Variants in MAP2 observed in about 807,000 individuals in gnomAD.
MAP2 encodes microtubule associated protein 2, also known as microtubule-associated protein 2.
In MAP2, 14 loss-of-function variants were observed where a neutral mutation model predicts 137.6. That is an observed-to-expected ratio of 0.10 (90% CI 0.07 to 0.16). The LOEUF is 0.16. MAP2 is among the 10% of genes least tolerant of loss of function. MAP2 has a pLI of 1.00. For synonymous variants in MAP2, 786 were observed against 782.3 expected (o/e 1.00, Z -0.08); for missense variants, 2,088 against 2,191.5 (o/e 0.95, Z 0.94).
intron 5 of MAP2, among the ~76,000 whole-genome samples, chr2:209,666,051 G>A (rs1317109405): frequency 6.6e-6 from 1 of 151,928 alleles, no homozygotes; most frequent in Non-Finnish European, 1.5e-5. Flanking sequence ...GTTGAATTTT[G>A]CATCTTCAGC....
At chr2:209,601,019 A>G (rs919759835) in intron 3 of MAP2, among the ~76,000 whole-genome samples, 6 of 152,142 alleles carry the variant, frequency 3.9e-5, no homozygotes, top group Non-Finnish European at 7.4e-5. Flanking sequence ...TGACAGCTGT[A>G]TGGCTCTTGT....
intron 7 of MAP2, chr2:209,684,535 A>G (rs1228594450): frequency 1.3e-5 from 2 of 152,224 alleles, no homozygotes; most frequent in African/African-American, 4.8e-5. Flanking sequence ...GGAGGCTGGT[A>G]TACTAAGGCT....
intron 1 of MAP2, among the ~76,000 whole-genome samples, chr2:209,505,961 G>T (rs1425973052): frequency 6.6e-6 from 1 of 151,956 alleles, no homozygotes; most frequent in African/African-American, 2.4e-5. Context: ...GACAGAGTGA[G>T]ACCCTGTCTC....
At chr2:209,667,926 G>A (rs2047058243) in intron 5 of MAP2, among the ~76,000 whole-genome samples, 1 of 151,898 alleles carries the variant, frequency 6.6e-6, no homozygotes, top group Admixed American at 6.6e-5. Context: ...GCAGTCATAT[G>A]CTCATATGCC....
intron 5 of MAP2, among the ~76,000 whole-genome samples, chr2:209,676,486 T>C (rs1297563818): frequency 4.6e-5 from 7 of 151,542 alleles, no homozygotes; most frequent in Non-Finnish European, 1.0e-4. Flanking sequence ...CAAGCCCCCA[T>C]GACACAAGTT....
chr2:209,597,730 A>ATTTTTTGTT (rs1465491428), intron 3 of MAP2, among the ~76,000 whole-genome samples: 5 of 151,998 alleles, frequency 3.3e-5, no homozygotes, highest in African/African-American at 1.2e-4. Context: ...CAGCTATTGC[A>ATTTTTTGTT]TTTTTTGTTT....
chr2:209,628,663 G>A (rs1248802943), intron 4 of MAP2, among the ~76,000 whole-genome samples: 1 of 152,154 alleles, frequency 6.6e-6, no homozygotes, highest in Non-Finnish European at 1.5e-5. Flanking sequence ...ACCAATGACT[G>A]CCTGTAATAG....
chr2:209,484,259 C>T (rs957184741), intron 1 of MAP2, among the ~76,000 whole-genome samples: 11 of 152,140 alleles, frequency 7.2e-5, no homozygotes, highest in African/African-American at 2.7e-4. Context: ...CAGCACTGAA[C>T]GTTTAGTGGT....
chr2:209,624,356 G>A (rs2091902603), intron 3 of MAP2, among the ~76,000 whole-genome samples: 1 of 152,172 alleles, frequency 6.6e-6, no homozygotes, highest in East Asian at 1.9e-4. Flanking sequence ...CTTATGTATT[G>A]TGCGTCCTTT....
At chr2:209,503,527 T>G (rs1423110098) in intron 1 of MAP2, among the ~76,000 whole-genome samples, 1 of 151,936 alleles carries the variant, frequency 6.6e-6, no homozygotes, top group East Asian at 1.9e-4. Flanking sequence ...CTTCTAGGAG[T>G]TTTATGGTTT....
chr2:209,694,720 A>G lies in MAP2; in HGVS notation c.2550A>G (p.Val850=). 1 of 1,614,152 alleles carries G rather than the reference A, an allele frequency of 6.2e-7. No individual in the cohort carries two copies. The highest frequency in any genetic ancestry group is 8.5e-7 in the Non-Finnish European group (1 of 1,180,030). Residue 850 remains valine, a synonymous_variant, in exon 8 of 16, where the codon GTA becomes GTG. Coordinates refer to ENST00000682079, the MANE Select transcript of MAP2 (RefSeq NM_001375505.1). The part of the protein sequence containing the change: ...VEDSRTGLPP[V]TDENHVIVKT... ...ATAGTCGTACTGGCTTGCCCCCGGT[A>G]ACTGATGAAAACCATGTCATTGTAA...
chr2:209,495,135 A>G (rs1003995915), intron 1 of MAP2, among the ~76,000 whole-genome samples: 1 of 152,246 alleles, frequency 6.6e-6, no homozygotes, highest in Non-Finnish European at 1.5e-5. Context: ...GCCTCTGTAG[A>G]TTCCTCCTCT....
At chr2:209,464,878 A>ATGTGT (rs1200026106) in intron 1 of MAP2, among the ~76,000 whole-genome samples, 2 of 152,136 alleles carry the variant, frequency 1.3e-5, no homozygotes, top group Non-Finnish European at 2.9e-5. Flanking sequence ...TTGTTAGTGT[A>ATGTGT]ATTATACTGC....
chr2:209,691,284 G>A (rs547216680), intron 7 of MAP2, among the ~76,000 whole-genome samples: 5 of 152,190 alleles, frequency 3.3e-5, no homozygotes, highest in African/African-American at 1.2e-4. Context: ...TGGTGGAATC[G>A]TTTTTGTTTG....
intron 2 of MAP2, among the ~76,000 whole-genome samples, chr2:209,544,880 T>C (rs1424714567): frequency 1.3e-5 from 2 of 152,230 alleles, no homozygotes; most frequent in East Asian, 1.9e-4. Context: ...ACTTGATTAC[T>C]CTGGGCTTGA....
At position 209,695,165 on chromosome 2, in the gene MAP2, G is replaced by T. The variant is rs1241014036; in HGVS notation, c.2995G>T (p.Ala999Ser). 1 of 1,614,096 alleles carries T rather than the reference G, an allele frequency of 6.2e-7. No individual in the cohort carries two copies. The highest frequency in any genetic ancestry group is 2.2e-5 in the East Asian group (1 of 44,894). Residue 999 changes from alanine to serine, a missense_variant, in exon 8 of 16, where the codon GCT (alanine) becomes TCT (serine). Around this residue, in one of 6 missense-constraint regions of MAP2, gnomAD observed 500 missense variants for 482.9 expected, o/e 1.04. Transcript: ENST00000682079. The stretch of plus-strand genomic sequence containing the variant: ...CGGATTAGGAGTAACCTATGAGCAA[G>T]CTTTGGCCAAAGATTTGTCAATACC... The part of the protein sequence containing the change: ...TFGLGVTYEQ[A>S]LAKDLSIPTD...
intron 2 of MAP2, among the ~76,000 whole-genome samples, chr2:209,526,427 TAGAG>T (rs776300054): frequency 2.0e-5 from 3 of 151,636 alleles, no homozygotes; most frequent in African/African-American, 7.3e-5. Flanking sequence ...TGTGAGTACA[TAGAG>T]AGAAATACAG....
Position 209,695,877 on chromosome 2 carries a change from A to G in MAP2, c.3707A>G (p.Glu1236Gly). The G allele has an allele frequency of 6.2e-7, 1 of 1,614,104 alleles. No homozygotes were observed. Among genetic ancestry groups the G allele is most frequent in the South Asian group, 1.1e-5 (1 of 91,070 alleles). Reference sequence around the variant, plus strand: ...GAACCAGCAGAGATTCAGAGTGAGGAAGAAGAGATAGAAGCCCAGGGAGAA... The same window carrying G: ...GAACCAGCAGAGATTCAGAGTGAGGGAGAAGAGATAGAAGCCCAGGGAGAA... ...VSEPAEIQSEEEEIEAQGEYD... is the reference protein window; with the variant it reads ...VSEPAEIQSEGEEIEAQGEYD... The change falls in exon 8 of 16, where the codon GAA becomes GGA. Residue 1236 changes from glutamate to glycine, a missense_variant. By Grantham distance (98) the Glu-to-Gly change is moderately conservative. This residue lies in a region of MAP2 where 591 missense variants were observed against 642.6 expected (regional missense o/e 0.92). Transcript: ENST00000682079.
intron 1 of MAP2, among the ~76,000 whole-genome samples, chr2:209,502,928 C>T (rs950277738): frequency 6.6e-6 from 1 of 151,536 alleles, no homozygotes; most frequent in Non-Finnish European, 1.5e-5. Flanking sequence ...ATTTTTAAAT[C>T]AGGTTATTTT....
Sources: allele counts gnomAD v4.1 joint callset (sites outside exome capture counted in the v4.1 genomes callset), GRCh38; gene constraint gnomAD v4.1.1; regional missense constraint gnomAD v4.1.1; transcripts MANE v1.5; gene names NCBI Gene and HGNC (gene_info 2026-07-23, HGNC 2026-07-21).